DNAH7: variants seen among roughly 807,000 people sequenced by gnomAD.
The protein encoded by DNAH7 is dynein axonemal heavy chain 7.
A neutral mutation model predicts 444.6 loss-of-function variants in DNAH7; 397 were observed. That is an observed-to-expected ratio of 0.89 (90% confidence interval 0.82 to 0.97). DNAH7 has a LOEUF of 0.97. Among genes scored for constraint, DNAH7 ranks in the 50% least tolerant of loss-of-function variants. The pLI is 0.00. For missense variants in DNAH7, 4,902 were observed against 4,800.8 expected, an observed-to-expected ratio of 1.02 and a Z score of -0.62; for synonymous variants, 1,636 against 1,624.4, an observed-to-expected ratio of 1.01 and a Z score of -0.17.
intron 61 of DNAH7, among the ~76,000 whole-genome samples, chr2:195,760,202 C>T (rs1184134146): frequency 6.6e-6 from 1 of 151,902 alleles, no homozygotes; most frequent in Non-Finnish European, 1.5e-5. Context: ...GATAACACAA[C>T]TGTGTTTGAG....
chr2:195,824,277 T>C lies in DNAH7; in HGVS notation c.9269A>G (p.Tyr3090Cys), dbSNP rs757315758. The C allele has an allele frequency of 1.2e-6, 2 of 1,613,098 alleles. No homozygotes were observed. The highest frequency in any genetic ancestry group is 1.7e-6 in the Non-Finnish European group (2 of 1,179,524). Reference sequence around the variant, plus strand: ...GGCCTTTACTGATGTTTCAGGAAGATAATGAGGATTTCTTAACTTGGTAGT... The same window carrying C: ...GGCCTTTACTGATGTTTCAGGAAGACAATGAGGATTTCTTAACTTGGTAGT... ...YITTKLRNPHYLPETSVKVTL... is the reference protein window; with the variant it reads ...YITTKLRNPHCLPETSVKVTL... Residue 3090 changes from tyrosine (Y) to cysteine (C), a missense_variant, in exon 49 of 65, where the codon TAT becomes TGT. Coordinates refer to ENST00000312428, the MANE Select transcript of DNAH7 (RefSeq NM_018897.3).
intron 20 of DNAH7, 25 bp downstream of exon 20, chr2:195,936,574 T>C (rs776891543): frequency 9.8e-6 from 15 of 1,527,614 alleles, no homozygotes; most frequent in African/African-American, 1.4e-5. Flanking sequence ...AATTTAGTCA[T>C]GTATTCTACA....
chr2:195,822,311 GAC>G (rs1697510958), intron 49 of DNAH7, among the ~76,000 whole-genome samples: 1 of 152,126 alleles, frequency 6.6e-6, no homozygotes, highest in Non-Finnish European at 1.5e-5. Context: ...ACTGTGTTCA[GAC>G]ACAAGGAAGT....
Position 196,012,854 on chromosome 2 carries a change from C to CT in DNAH7, c.921dup (p.Glu308ArgfsTer22). 1 of 1,555,626 alleles carries CT rather than the reference C, an allele frequency of 6.4e-7. No individual in the cohort carries two copies. The highest frequency in any genetic ancestry group is 8.7e-7 in the Non-Finnish European group (1 of 1,153,262). ...ATAATGTTCTGAAAACTTGACAGCT[C>CT]TAATGCATCCTGGCAATTATGAAAT... On this transcript the variant is annotated frameshift_variant, in exon 10 of 65. Coordinates refer to ENST00000312428, the MANE Select transcript of DNAH7 (RefSeq NM_018897.3). LOFTEE classifies it high-confidence loss of function.
intron 61 of DNAH7, among the ~76,000 whole-genome samples, chr2:195,759,710 G>A (rs1240329530): frequency 6.6e-6 from 1 of 152,116 alleles, no homozygotes; most frequent in Admixed American, 6.6e-5. Context: ...AATTAGCTGG[G>A]TGTTGGTGGT....
intron 17 of DNAH7, among the ~76,000 whole-genome samples, chr2:195,966,357 T>C (rs991626735): frequency 9.2e-5 from 14 of 151,830 alleles, no homozygotes; most frequent in Admixed American, 3.3e-4. Flanking sequence ...AACCATGTTT[T>C]GTGACCTAAC....
intron 36 of DNAH7, 60 bp downstream of exon 36, chr2:195,881,735 T>C: frequency 1.3e-6 from 2 of 1,498,302 alleles, no homozygotes; most frequent in South Asian, 2.5e-5. Context: ...GTCTGCTATT[T>C]CAAAAACATT....
chr2:195,881,845 G>C lies in DNAH7; in HGVS notation c.5911C>G (p.Pro1971Ala), dbSNP rs1388922905. Residue 1971 changes from proline (P) to alanine (A), a missense_variant, in exon 36 of 65, where the codon CCT (proline) becomes GCT (alanine). By Grantham distance (27) the Pro-to-Ala change is conservative. Transcript: ENST00000312428. The part of the protein sequence containing the change: ...LMELLTTHQK[P>A]SIFVGPTGTG... Reference sequence around the variant, plus strand: ...CCTGTTGGTCCTACAAATATTGAAGGCTTTTGATGGGTGGTCAGCAATTCC... The same window carrying C: ...CCTGTTGGTCCTACAAATATTGAAGCCTTTTGATGGGTGGTCAGCAATTCC... The C allele has an allele frequency of 6.2e-7, 1 of 1,614,026 alleles. No individual in the cohort carries two copies. Among genetic ancestry groups the C allele is most frequent in the Admixed American group, 1.7e-5 (1 of 60,024 alleles).
Position 195,934,599 on chromosome 2 carries a change from TG to T in DNAH7, c.3462del (p.Ile1155SerfsTer4), listed in dbSNP as rs1688923713. ...LVELERVMIN[S>X]IHKVTGDATF... ...TCAGTATAATCAGCTACCTTGTGGA[TG>T]GAGTTAATCATAACTCTCTCTAATT... On this transcript the variant is annotated frameshift_variant, in exon 21 of 65. Transcript: ENST00000312428. LOFTEE classifies it high-confidence loss of function. The T allele has an allele frequency of 1.2e-6, 2 of 1,613,926 alleles. No homozygotes were observed. The highest frequency in any genetic ancestry group is 2.2e-5 in the South Asian group (2 of 91,066).
Position 195,934,660 on chromosome 2 carries a change from G to A in DNAH7, c.3402C>T (p.Ala1134=). 6.2e-7 allele frequency: 1 copy of A among 1,614,000 alleles called. No individual in the cohort carries two copies. The highest frequency in any genetic ancestry group is 1.1e-5 in the South Asian group (1 of 91,070). The change falls in exon 21 of 65, where the codon GCC becomes GCT. Residue 1134 remains alanine, a synonymous_variant. Transcript: ENST00000312428. ...VVELIEIIST[A]KARGQVEKWL... is the part of the protein sequence containing the mutation. The stretch of plus-strand genomic sequence containing the variant: ...ACTTCTCCACTTGACCTCTGGCTTT[G>A]GCTGTTGAAATAATCTCTATGAGTT...
chr2:196,064,348 T>TAAATA (rs377755167), intron 1 of DNAH7, among the ~76,000 whole-genome samples: 1,634 of 33,968 alleles, frequency 0.048, 33 homozygotes, highest in African/African-American at 0.08. Context: ...AATAAATAAA[T>TAAATA]AATAAATAAT....
At chr2:196,057,543 A>T (rs1313616479) in intron 2 of DNAH7, among the ~76,000 whole-genome samples, 2 of 151,366 alleles carry the variant, frequency 1.3e-5, no homozygotes, top group Non-Finnish European at 2.9e-5. Flanking sequence ...TATTAATATG[A>T]ATAAGTACAC....
intron 28 of DNAH7, among the ~76,000 whole-genome samples, chr2:195,899,870 A>G (rs750681664): frequency 6.6e-6 from 1 of 152,190 alleles, no homozygotes; most frequent in Non-Finnish European, 1.5e-5. Context: ...TCATACTGCA[A>G]ATCTACTACT....
chr2:195,961,016 ATATC>A (rs1691062699), intron 17 of DNAH7, 71 bp from the exon 18 acceptor site: 1 of 1,288,674 alleles, frequency 7.8e-7, no homozygotes, highest in Non-Finnish European at 1.0e-6. Flanking sequence ...GTTTTTTTAA[ATATC>A]TATTTCAAAT....
rs1028902495 is a variant in DNAH7, at chr2:195,910,175, T to C, written c.3956A>G (p.His1319Arg). The C allele has an allele frequency of 6.2e-7, 1 of 1,610,652 alleles. No individual in the cohort carries two copies. Reference protein sequence around the residue: ...RCYRTLFGALHLHLGGAPEGP... With the variant: ...RCYRTLFGALRLHLGGAPEGP... ...CTCAGGTGCTCCTCCAAGGTGCAAATGAAGGGCTCCAAATAAGGTTCTGAA... is the reference window on the plus strand; with the variant it reads ...CTCAGGTGCTCCTCCAAGGTGCAAACGAAGGGCTCCAAATAAGGTTCTGAA... Residue 1319 changes from histidine (H) to arginine (R), a missense_variant, in exon 25 of 65, where the codon CAT becomes CGT. Coordinates refer to ENST00000312428, the MANE Select transcript of DNAH7 (RefSeq NM_018897.3).
At chr2:195,957,021 A>C (rs1346174162) in intron 19 of DNAH7, among the ~76,000 whole-genome samples, 1 of 152,210 alleles carries the variant, frequency 6.6e-6, no homozygotes, top group African/African-American at 2.4e-5. Context: ...TAACAGAACC[A>C]AAGGTTGTTA....
chr2:195,875,861 A>G lies in DNAH7; in HGVS notation c.6118-18T>C, dbSNP rs372875923. The G allele has an allele frequency of 4.0e-5, 63 of 1,585,710 alleles. No homozygotes were observed. Among genetic ancestry groups the G allele is most frequent in the Non-Finnish European group, 5.2e-5 (61 of 1,168,930 alleles). On this transcript the variant is annotated intron_variant, in intron 37 of 64. Coordinates refer to ENST00000312428, the MANE Select transcript of DNAH7 (RefSeq NM_018897.3). The stretch of plus-strand genomic sequence containing the variant: ...AAGACAACCTGAGAATGAGAAGAGA[A>G]GAGGTACAGAAAATATTAACATCTC...
At chr2:195,803,469 C>T (rs1200080434) in intron 54 of DNAH7, among the ~76,000 whole-genome samples, 2 of 152,238 alleles carry the variant, frequency 1.3e-5, no homozygotes, top group Non-Finnish European at 2.9e-5. Context: ...ACTTAACTTG[C>T]TCCCAAGACT....
At position 196,012,918 on chromosome 2, in the gene DNAH7, A is replaced by G; in HGVS notation, c.870-12T>C. 2 of 1,462,418 alleles carry G rather than the reference A, an allele frequency of 1.4e-6. No homozygotes were observed. The allele number at this position is 1,462,418 out of a possible 1,614,324, so 90.6% of individuals were successfully genotyped here. On this transcript the variant is annotated splice_polypyrimidine_tract_variant and intron_variant, in intron 9 of 64. Coordinates refer to ENST00000312428, the MANE Select transcript of DNAH7 (RefSeq NM_018897.3). ...CTAAACGTAATTTTCTGCAAAAGATAAAAATAAACAGTAATTTAACAATGA... is the reference window on the plus strand; with the variant it reads ...CTAAACGTAATTTTCTGCAAAAGATGAAAATAAACAGTAATTTAACAATGA...
Sources: allele counts gnomAD v4.1 joint callset (sites outside exome capture counted in the v4.1 genomes callset), GRCh38; gene constraint gnomAD v4.1.1; transcripts MANE v1.5; gene names NCBI Gene and HGNC (gene_info 2026-07-23, HGNC 2026-07-21).